The following ASIC2 variants were observed in gnomAD, a reference collection of about 807,000 sequenced individuals.
ASIC2 encodes the protein acid-sensing ion channel 2.
ASIC2 carries 25 observed loss-of-function variants against 57.3 expected under a neutral mutation model. The observed-to-expected ratio is 0.44, with a 90% CI of 0.32 to 0.61. The LOEUF (loss-of-function observed/expected upper bound fraction) is 0.61, where lower values mean the gene tolerates loss of function less well. ASIC2 is among the 20% of genes least tolerant of loss of function. The probability of loss-of-function intolerance (pLI) is 0.06; values close to 1 mark genes in which losing one functional copy is unlikely to be tolerated. For missense variants in ASIC2, 641 were observed against 738.1 expected, an observed-to-expected ratio of 0.87 and a Z score of 1.52; for synonymous variants, 319 against 307.5, an observed-to-expected ratio of 1.04 and a Z score of -0.39.
At chr17:33,820,329 T>A (rs1475638973) in intron 1 of ASIC2, among the ~76,000 whole-genome samples, 1 of 152,220 alleles carries the variant, frequency 6.6e-6, no homozygotes. Flanking sequence ...ATAATACGCA[T>A]GGCAGATTTG....
At chr17:33,906,375 G>A (rs1332647301) in intron 1 of ASIC2, among the ~76,000 whole-genome samples, 1 of 152,164 alleles carries the variant, frequency 6.6e-6, no homozygotes, top group East Asian at 1.9e-4. Context: ...CTTGGGTTAT[G>A]TAGAAAATCT....
At chr17:33,245,993 T>C (rs1046502836) in intron 1 of ASIC2, among the ~76,000 whole-genome samples, 3 of 150,892 alleles carry the variant, frequency 2.0e-5, no homozygotes, top group Non-Finnish European at 4.4e-5. Context: ...AGTTCAACTG[T>C]CTGGGCAACA....
chr17:33,349,477 T>A (rs964909970), intron 1 of ASIC2, among the ~76,000 whole-genome samples: 1 of 152,092 alleles, frequency 6.6e-6, no homozygotes, highest in Non-Finnish European at 1.5e-5. Context: ...TGAAAAACAG[T>A]TCTCCAGGCA....
chr17:33,917,676 C>G (rs915833940), intron 1 of ASIC2, among the ~76,000 whole-genome samples: 1 of 152,168 alleles, frequency 6.6e-6, no homozygotes, highest in African/African-American at 2.4e-5. Context: ...TCCCCAGAAA[C>G]TTTCATGATT....
At chr17:33,025,647 C>T (rs182988795) in intron 5 of ASIC2, among the ~76,000 whole-genome samples, 1 of 152,166 alleles carries the variant, frequency 6.6e-6, no homozygotes, top group Admixed American at 6.5e-5. Context: ...TCCCCTGAAA[C>T]CCACTCCTTC....
intron 1 of ASIC2, among the ~76,000 whole-genome samples, chr17:33,414,670 G>C (rs1182434752): frequency 6.6e-6 from 1 of 152,204 alleles, no homozygotes; most frequent in Non-Finnish European, 1.5e-5. Flanking sequence ...CTCTGGGAGA[G>C]GGAGCAAATC....
At chr17:33,418,748 C>A (rs543834372) in intron 1 of ASIC2, among the ~76,000 whole-genome samples, 1 of 152,224 alleles carries the variant, frequency 6.6e-6, no homozygotes, top group East Asian at 1.9e-4. Flanking sequence ...GTACCAGTAC[C>A]ATGCAGTTTT....
chr17:34,076,694 A>G (rs1225847031), intron 1 of ASIC2, among the ~76,000 whole-genome samples: 1 of 152,118 alleles, frequency 6.6e-6, no homozygotes, highest in Non-Finnish European at 1.5e-5. Context: ...CCTGAAACTC[A>G]TTCATTTTGT....
chr17:33,347,150 AACC>A (rs1907981188), intron 1 of ASIC2, among the ~76,000 whole-genome samples: 1 of 152,090 alleles, frequency 6.6e-6, no homozygotes, highest in African/African-American at 2.4e-5. Context: ...GATGAATGGG[AACC>A]AAAACACAAG....
intron 5 of ASIC2, 69 bp downstream of exon 5, chr17:33,025,857 A>C: frequency 1.4e-6 from 2 of 1,443,148 alleles, no homozygotes; most frequent in Non-Finnish European, 1.9e-6. Context: ...CCCCAAACCC[A>C]GATGATTTCC....
intron 1 of ASIC2, among the ~76,000 whole-genome samples, chr17:33,758,653 T>C (rs897386709): frequency 6.6e-6 from 1 of 152,048 alleles, no homozygotes; most frequent in African/African-American, 2.4e-5. Flanking sequence ...TGGGTTATCA[T>C]GGAGGGGGAG....
chr17:33,788,973 T>A (rs1404330385), intron 1 of ASIC2, among the ~76,000 whole-genome samples: 3 of 152,148 alleles, frequency 2.0e-5, no homozygotes, highest in Non-Finnish European at 4.4e-5. Context: ...ATGACACACG[T>A]ATACCTATGT....
intron 1 of ASIC2, among the ~76,000 whole-genome samples, chr17:33,838,033 A>T (rs1913325177): frequency 1.3e-5 from 2 of 152,134 alleles, no homozygotes; most frequent in Non-Finnish European, 1.5e-5. Flanking sequence ...TTCCTAATGG[A>T]ATTTAGCATA....
intron 1 of ASIC2, among the ~76,000 whole-genome samples, chr17:33,699,998 A>AC (rs1349518404): frequency 4.1e-5 from 6 of 147,346 alleles, no homozygotes; most frequent in Admixed American, 1.4e-4. Context: ...TGGAAAAAAA[A>AC]ACCCTGAAAA....
At chr17:33,828,372 A>C (rs898320961) in intron 1 of ASIC2, 70 of 152,328 alleles carry the variant, frequency 4.6e-4, no homozygotes, top group African/African-American at 1.6e-3. Context: ...TTGGTGCACA[A>C]TATGGAAAGA....
rs141130107 is a variant in ASIC2, at chr17:33,223,790, G to A, written c.708+67618C>T. ...AGAAGACGGACAGTGCGAGTGAAGC[G>A]CAGCACCCCAAATCTTACTAGGAGC... is the stretch of plus-strand genomic sequence containing the variant. On this transcript the variant is annotated intron_variant, in intron 1 of 9. Transcript: ENST00000225823. 3.0e-3 allele frequency among the ~76,000 whole-genome samples: 456 copies of A among 152,340 alleles called. 3 individuals are homozygous for A. Among genetic ancestry groups the A allele is most frequent in the African/African-American group, 0.01 (435 of 41,568 alleles).
intron 1 of ASIC2, among the ~76,000 whole-genome samples, chr17:33,229,586 A>G (rs1908014760): frequency 6.6e-6 from 1 of 152,208 alleles, no homozygotes; most frequent in African/African-American, 2.4e-5. Context: ...GAGAGGGAAG[A>G]TACAGTGTGA....
chr17:33,947,448 G>A (rs1325699387), intron 1 of ASIC2, among the ~76,000 whole-genome samples: 1 of 152,194 alleles, frequency 6.6e-6, no homozygotes, highest in Non-Finnish European at 1.5e-5. Context: ...CATGTACAAG[G>A]TGCTGTGGGA....
intron 1 of ASIC2, among the ~76,000 whole-genome samples, chr17:33,539,654 G>A (rs1915344600): frequency 6.6e-6 from 1 of 152,192 alleles, no homozygotes; most frequent in Admixed American, 6.5e-5. Flanking sequence ...CATGGCTCGT[G>A]CAGCACGTTC....
Sources: gnomAD v4.1 joint callset for allele counts (sites outside exome capture counted in the v4.1 genomes callset) on GRCh38, gnomAD v4.1.1 for gene constraint, MANE v1.5 for transcripts, NCBI Gene and HGNC (gene_info 2026-07-23, HGNC 2026-07-21) for gene names.